The following SAMD4A variants were observed in gnomAD, a reference collection of about 807,000 sequenced individuals.
SAMD4A encodes sterile alpha motif domain containing 4A.
A neutral mutation model predicts 81.3 loss-of-function variants in SAMD4A; 33 were observed. The ratio of observed to expected loss-of-function variants is 0.41; its 90% CI spans 0.31 to 0.54. SAMD4A has a LOEUF of 0.54. Ranked by LOEUF, SAMD4A falls within the 20% of genes least tolerant of loss-of-function variation. The probability of loss-of-function intolerance (pLI) is 0.37; values close to 1 mark genes in which losing one functional copy is unlikely to be tolerated. For missense variants in SAMD4A, 854 were observed against 951.1 expected (o/e 0.90, Z 1.34); for synonymous variants, 389 against 382.1 (o/e 1.02, Z -0.21).
intron 12 of SAMD4A, among the ~76,000 whole-genome samples, chr14:54,786,861 A>AT (rs1392639317): frequency 6.6e-6 from 1 of 152,142 alleles, no homozygotes; most frequent in Admixed American, 6.5e-5. Context: ...TTTTTTGCTA[A>AT]TGTTTTCATC....
chr14:54,651,679 A>C (rs935432170), intron 2 of SAMD4A, among the ~76,000 whole-genome samples: 1 of 152,230 alleles, frequency 6.6e-6, no homozygotes, highest in African/African-American at 2.4e-5. Context: ...ATTTTATTTG[A>C]GATTTTCAGG....
intron 3 of SAMD4A, among the ~76,000 whole-genome samples, chr14:54,725,531 A>G (rs1018455564): frequency 6.6e-6 from 1 of 152,244 alleles, no homozygotes; most frequent in Non-Finnish European, 1.5e-5. Flanking sequence ...AAACACTATC[A>G]AGTAATCAAG....
chr14:54,723,926 C>T (rs544919756), intron 3 of SAMD4A, among the ~76,000 whole-genome samples: 3 of 151,772 alleles, frequency 2.0e-5, no homozygotes, highest in South Asian at 2.1e-4. Context: ...TTTTAGTTGG[C>T]CTTCATTGTC....
Position 54,590,005 on chromosome 14 carries a change from C to T in SAMD4A, c.196+21893C>T, listed in dbSNP as rs117441757. On this transcript the variant is annotated intron_variant, in intron 2 of 12. Transcript: ENST00000554335. ...TTATCATCCAAACCGTATGCTAGAA[C>T]GTAAGGTCCATGAGATGAGGGTGCT... Among the ~76,000 whole-genome samples, 286 of 152,276 alleles carry T rather than the reference C, an allele frequency of 1.9e-3. 3 individuals are homozygous for T. The highest frequency in any genetic ancestry group is 3.4e-3 in the Non-Finnish European group (233 of 68,018).
At chr14:54,587,683 T>A (rs967136756) in intron 2 of SAMD4A, among the ~76,000 whole-genome samples, 5 of 152,220 alleles carry the variant, frequency 3.3e-5, no homozygotes, top group African/African-American at 1.2e-4. Context: ...ATGTGGTATA[T>A]CACATTTATG....
chr14:54,660,958 T>G (rs973283985), intron 2 of SAMD4A, among the ~76,000 whole-genome samples: 4 of 152,218 alleles, frequency 2.6e-5, no homozygotes, highest in Non-Finnish European at 5.9e-5. Context: ...AGGCATCTTT[T>G]TAGTTCTCTG....
chr14:54,598,525 TATAAC>T (rs1214256671), intron 2 of SAMD4A, among the ~76,000 whole-genome samples: 2 of 152,238 alleles, frequency 1.3e-5, no homozygotes, highest in Non-Finnish European at 2.9e-5. Flanking sequence ...TTTTCACTAT[TATAAC>T]ATATTGTAAT....
intron 2 of SAMD4A, among the ~76,000 whole-genome samples, chr14:54,596,851 G>C (rs897923796): frequency 5.3e-5 from 8 of 152,156 alleles, no homozygotes; most frequent in African/African-American, 1.7e-4. Context: ...GGTTCTTGGT[G>C]GGGGAGGGGG....
chr14:54,710,635 C>T (rs2036965369), intron 3 of SAMD4A, among the ~76,000 whole-genome samples: 1 of 152,142 alleles, frequency 6.6e-6, no homozygotes, highest in African/African-American at 2.4e-5. Flanking sequence ...CCATACAGAC[C>T]CTCCAGCTTC....
chr14:54,688,931 C>CTTTTTTTTT (rs71127666), intron 2 of SAMD4A, among the ~76,000 whole-genome samples: 25,127 of 112,722 alleles, frequency 0.22, 3,371 homozygotes, highest in Non-Finnish European at 0.32. Context: ...AGTCGTAATT[C>CTTTTTTTTT]TTTTTTTTTT....
intron 9 of SAMD4A, among the ~76,000 whole-genome samples, chr14:54,771,816 A>G (rs2038713826): frequency 6.6e-6 from 1 of 152,124 alleles, no homozygotes; most frequent in South Asian, 2.1e-4. Context: ...GCTCCTCCCA[A>G]AGTCCCACCC....
chr14:54,647,574 T>G (rs545355874), intron 2 of SAMD4A, among the ~76,000 whole-genome samples: 8 of 152,216 alleles, frequency 5.3e-5, no homozygotes, highest in Non-Finnish European at 1.2e-4. Flanking sequence ...TATATGCTCA[T>G]GCATAACAGC....
At chr14:54,578,898 A>T (rs971631257) in intron 2 of SAMD4A, among the ~76,000 whole-genome samples, 1 of 152,126 alleles carries the variant, frequency 6.6e-6, no homozygotes, top group African/African-American at 2.4e-5. Context: ...TTCCACATTT[A>T]AGAAAAAGCT....
At position 54,702,495 on chromosome 14, in the gene SAMD4A, G is replaced by A. The variant is rs2036744431; in HGVS notation, c.630G>A (p.Met210Ile). The A allele has an allele frequency of 6.2e-7, 1 of 1,614,094 alleles. No homozygotes were observed. The highest frequency in any genetic ancestry group is 1.3e-5 in the African/African-American group (1 of 74,950). The change falls in exon 3 of 13, where the codon ATG (methionine) becomes ATA (isoleucine). Residue 210 changes from methionine (M) to isoleucine (I), a missense_variant. By Grantham distance (10) the Met-to-Ile change is conservative. Around this residue, in one of 3 missense-constraint regions of SAMD4A, gnomAD observed 387 missense variants for 405.8 expected, o/e 0.95. Coordinates refer to ENST00000554335, the MANE Select transcript of SAMD4A (RefSeq NM_015589.6). ...INASNWQDKS[M>I]GCENGHVPLY... ...CCTCCAACTGGCAGGACAAAAGCAT[G>A]GGGTGTGAGAATGGCCATGTGCCCC... is the stretch of plus-strand genomic sequence containing the variant.
intron 2 of SAMD4A, among the ~76,000 whole-genome samples, chr14:54,580,899 A>G (rs2033445519): frequency 6.6e-6 from 1 of 152,192 alleles, no homozygotes. Flanking sequence ...CGTAATCCAC[A>G]AGGGGTTTAC....
intron 2 of SAMD4A, among the ~76,000 whole-genome samples, chr14:54,622,636 T>C (rs945122030): frequency 6.6e-6 from 1 of 152,232 alleles, no homozygotes; most frequent in Non-Finnish European, 1.5e-5. Context: ...TGCCCCTGGA[T>C]AAGCATCTGG....
chr14:54,709,090 A>T (rs1463897488), intron 3 of SAMD4A, among the ~76,000 whole-genome samples: 1 of 152,198 alleles, frequency 6.6e-6, no homozygotes, highest in East Asian at 1.9e-4. Flanking sequence ...CAGCCTGGGC[A>T]ACGTGGTGAA....
At chr14:54,775,715 G>A (rs978552683) in intron 10 of SAMD4A, among the ~76,000 whole-genome samples, 2 of 152,042 alleles carry the variant, frequency 1.3e-5, no homozygotes, top group Non-Finnish European at 2.9e-5. Context: ...AGAGCTTCTC[G>A]AAGCTCTGTG....
chr14:54,686,690 G>A (rs949786464), intron 2 of SAMD4A, among the ~76,000 whole-genome samples: 2 of 152,114 alleles, frequency 1.3e-5, no homozygotes, highest in African/African-American at 2.4e-5. Flanking sequence ...AGGGACCGAA[G>A]CCAAGTCAAA....
Sources: gnomAD v4.1 joint callset for allele counts (sites outside exome capture counted in the v4.1 genomes callset) on GRCh38, gnomAD v4.1.1 for gene constraint, gnomAD v4.1.1 regional missense constraint, MANE v1.5 for transcripts, NCBI Gene and HGNC (gene_info 2026-07-23, HGNC 2026-07-21) for gene names.